Variants in ZBTB40 observed in about 807,000 individuals in gnomAD.
ZBTB40 encodes zinc finger and BTB domain-containing protein 40.
Under a neutral mutation model 117.5 loss-of-function variants are expected in ZBTB40, and 60 were observed. The observed-to-expected ratio is 0.51, with a 90% CI of 0.41 to 0.63. The LOEUF (loss-of-function observed/expected upper bound fraction) is 0.63. ZBTB40 is among the 30% of genes least tolerant of loss of function. ZBTB40 has a pLI of 0.00. For synonymous variants in ZBTB40, 525 were observed against 577.1 expected (o/e 0.91, Z 1.29); for missense variants, 1,287 against 1,498.5 (o/e 0.86, Z 2.33).
intron 1 of ZBTB40, among the ~76,000 whole-genome samples, chr1:22,434,641 T>A (rs548150402): frequency 3.9e-5 from 6 of 152,336 alleles, no homozygotes; most frequent in African/African-American, 1.4e-4. Flanking sequence ...TTTCAAATTA[T>A]TACCCAGTTA....
At chr1:22,429,698 T>C (rs1640552156) in intron 1 of ZBTB40, among the ~76,000 whole-genome samples, 1 of 152,084 alleles carries the variant, frequency 6.6e-6, no homozygotes, top group African/African-American at 2.4e-5. Context: ...TTCCATTAAG[T>C]GTGATGTCTG....
Position 22,508,591 on chromosome 1 carries a change from C to G in ZBTB40, c.1559C>G (p.Ala520Gly), listed in dbSNP as rs1429283611. 4 of 1,614,080 alleles carry G rather than the reference C, an allele frequency of 2.5e-6. No homozygotes were observed. Among genetic ancestry groups the G allele is most frequent in the African/African-American group, 2.7e-5 (2 of 74,916 alleles). Residue 520 changes from alanine (A) to glycine (G), a missense_variant, in exon 8 of 18, where the codon GCA (alanine) becomes GGA (glycine). Around this residue, in one of 2 missense-constraint regions of ZBTB40, gnomAD observed 870 missense variants for 934.4 expected, o/e 0.93. Transcript: ENST00000375647. ...GGTGGTTTCAATTCTCTGATATCAGCAGTTCTAGAAAAGCAGACTCTCTCT... is the reference window on the plus strand; with the variant it reads ...GGTGGTTTCAATTCTCTGATATCAGGAGTTCTAGAAAAGCAGACTCTCTCT... Reference protein sequence around the residue: ...GSGGFNSLISAVLEKQTLSAT... With the variant: ...GSGGFNSLISGVLEKQTLSAT...
chr1:22,465,850 G>T (rs1641242154), intron 1 of ZBTB40, among the ~76,000 whole-genome samples: 1 of 152,142 alleles, frequency 6.6e-6, no homozygotes, highest in Non-Finnish European at 1.5e-5. Context: ...GCCACAACTT[G>T]GGTGGTGCCC....
At chr1:22,507,317 G>A (rs1445120094) in intron 6 of ZBTB40, among the ~76,000 whole-genome samples, 3 of 152,148 alleles carry the variant, frequency 2.0e-5, no homozygotes, top group Non-Finnish European at 2.9e-5. Context: ...CGGCACATGG[G>A]CATTCAGTAA....
At position 22,501,486 on chromosome 1, in the gene ZBTB40, C is replaced by T; in HGVS notation, c.832-6C>T. ...ATCTATCTTTCTGGGTACTTTTGTT[C>T]CATAGATGATAGTGAAATGTTTCGA... On this transcript the variant is annotated splice_region_variant and splice_polypyrimidine_tract_variant and intron_variant, in intron 3 of 17. Coordinates refer to ENST00000375647, the MANE Select transcript of ZBTB40 (RefSeq NM_014870.4). The T allele has an allele frequency of 6.2e-7, 1 of 1,613,976 alleles. No individual in the cohort carries two copies. The highest frequency in any genetic ancestry group is 8.5e-7 in the Non-Finnish European group (1 of 1,179,936).
chr1:22,457,198 GCTGTTTCC>G (rs1433733450), intron 1 of ZBTB40, among the ~76,000 whole-genome samples: 1 of 152,080 alleles, frequency 6.6e-6, no homozygotes, highest in Non-Finnish European at 1.5e-5. Context: ...AGAAAGAAAG[GCTGTTTCC>G]CTGCATTTGT....
At chr1:22,481,174 C>G (rs933707609) in intron 1 of ZBTB40, among the ~76,000 whole-genome samples, 1 of 151,852 alleles carries the variant, frequency 6.6e-6, no homozygotes, top group Non-Finnish European at 1.5e-5. Context: ...ATTTTAAAAG[C>G]ATTTTTATGT....
intron 13 of ZBTB40, chr1:22,517,730 G>A: frequency 2.3e-6 from 1 of 433,322 alleles, no homozygotes; most frequent in Non-Finnish European, 4.1e-6. Flanking sequence ...GTCCAACAGA[G>A]GCAAATTTTG....
chr1:22,506,210 G>A lies in ZBTB40; in HGVS notation c.1329G>A (p.Leu443=), dbSNP rs774838576. The change falls in exon 6 of 18, where the codon TTG becomes TTA. Residue 443 remains leucine, a synonymous_variant. Coordinates refer to ENST00000375647, the MANE Select transcript of ZBTB40 (RefSeq NM_014870.4). ...ACCTGGGCCTTCTGCTAGAGAAGTT[G>A]CAGAAATCAGCCACTTTGCCAAGCA... The part of the protein sequence containing the change: ...FPNLGLLLEK[L]QKSATLPSTT... 8.7e-6 allele frequency: 14 copies of A among 1,614,064 alleles called. No individual in the cohort carries two copies. The Admixed American group carries it at 1.3e-4, about 15-fold the overall frequency.
intron 7 of ZBTB40, among the ~76,000 whole-genome samples, 155 bp downstream of exon 7, chr1:22,508,292 C>G (rs1178952510): frequency 6.6e-6 from 1 of 152,104 alleles, no homozygotes; most frequent in Non-Finnish European, 1.5e-5. Context: ...ATCTCAGTTT[C>G]TAAGGTGGAA....
In ZBTB40 at chr1:22,517,921, C is replaced by T. The variant is rs183501557; in HGVS notation, c.2833+457C>T. Among the ~76,000 whole-genome samples, 16 of 152,316 alleles carry T rather than the reference C, an allele frequency of 1.1e-4. No homozygotes were observed. In the East Asian group the frequency reaches 2.7e-3, roughly 26 times the overall value. ...AAACCTCCCGCCCAGCATTCTCTTC[C>T]GAATGCCATTGTATTTCACACAGTT... On this transcript the variant is annotated intron_variant, in intron 13 of 17. Coordinates refer to ENST00000375647, the MANE Select transcript of ZBTB40 (RefSeq NM_014870.4).
chr1:22,495,750 GATCC>G (rs1157971105), intron 3 of ZBTB40, among the ~76,000 whole-genome samples: 2 of 152,148 alleles, frequency 1.3e-5, no homozygotes, highest in Non-Finnish European at 2.9e-5. Flanking sequence ...GACCTCAGGT[GATCC>G]ATCCACCCGC....
chr1:22,428,957 G>A (rs1304491672), exon 1 of ZBTB40, among the ~76,000 whole-genome samples: 1 of 152,212 alleles, frequency 6.6e-6, no homozygotes, highest in Non-Finnish European at 1.5e-5. Flanking sequence ...TGGATTGAAA[G>A]GTCAGAGCCA....
intron 1 of ZBTB40, among the ~76,000 whole-genome samples, chr1:22,479,213 A>G (rs1451032509): frequency 2.0e-5 from 3 of 152,200 alleles, no homozygotes; most frequent in African/African-American, 7.2e-5. Flanking sequence ...AGTTCTGGTC[A>G]CTCAACGTTC....
upstream of ZBTB40, among the ~76,000 whole-genome samples, chr1:22,447,351 C>A (rs192560920): frequency 6.6e-6 from 1 of 152,214 alleles, no homozygotes; most frequent in African/African-American, 2.4e-5. Context: ...TGGACTTTGG[C>A]TGTGGACCTG....
chr1:22,516,789 G>A (rs962108061), intron 12 of ZBTB40, among the ~76,000 whole-genome samples: 1 of 152,096 alleles, frequency 6.6e-6, no homozygotes, highest in Admixed American at 6.6e-5. Flanking sequence ...TTGGCAGTCT[G>A]GTCATTATAT....
At chr1:22,431,411 T>C (rs1640588358) in intron 1 of ZBTB40, among the ~76,000 whole-genome samples, 1 of 144,182 alleles carries the variant, frequency 6.9e-6, no homozygotes. Context: ...TATATATATG[T>C]ATATATAGTA....
At position 22,529,028 on chromosome 1, in the gene ZBTB40, G is replaced by A. The variant is rs1639759640; in HGVS notation, c.*2632G>A. 1.3e-5 allele frequency: 2 copies of A among 152,390 alleles called. No individual in the cohort carries two copies. The highest frequency in any genetic ancestry group is 2.9e-5 in the Non-Finnish European group (2 of 68,074). The allele number at this position is 152,390 out of a possible 1,614,324, so 9.4% of individuals were successfully genotyped here. A position where few individuals can be genotyped will look rare whatever the true frequency, so the allele number is the denominator to read the frequency against. ...AGAAAGAGGGGAAGGCCCTTCCCGA[G>A]TTTACTGTCTGCTCTGAGTGGGCTC... On this transcript the variant is annotated 3_prime_UTR_variant, in exon 18 of 18. Coordinates refer to ENST00000375647, the MANE Select transcript of ZBTB40 (RefSeq NM_014870.4).
chr1:22,444,741 G>C (rs1640769850), intron 1 of ZBTB40, among the ~76,000 whole-genome samples: 1 of 152,168 alleles, frequency 6.6e-6, no homozygotes, highest in Non-Finnish European at 1.5e-5. Flanking sequence ...AAGAATGAAA[G>C]GAGAAGAAAC....
Sources: allele counts gnomAD v4.1 joint callset (sites outside exome capture counted in the v4.1 genomes callset), GRCh38; gene constraint gnomAD v4.1.1; regional missense constraint gnomAD v4.1.1; transcripts MANE v1.5; gene names NCBI Gene and HGNC (gene_info 2026-07-23, HGNC 2026-07-21).